PCSK5: variants seen among roughly 807,000 people sequenced by gnomAD.
The protein encoded by PCSK5 is proprotein convertase subtilisin/kexin type 5, also known as prohormone convertase 5.
PCSK5 carries 129 observed loss-of-function variants against 233.2 expected under a neutral mutation model. The ratio of observed to expected loss-of-function variants is 0.55; its 90% CI spans 0.48 to 0.64. PCSK5 has a LOEUF of 0.64. Among genes scored for constraint, PCSK5 ranks in the 30% least tolerant of loss-of-function variants. The pLI is 0.00. For synonymous variants in PCSK5, 825 were observed against 879.2 expected, an observed-to-expected ratio of 0.94 and a Z score of 1.09; for missense variants, 2,076 against 2,430.1, an observed-to-expected ratio of 0.85 and a Z score of 3.06.
Position 76,361,527 on chromosome 9 carries a change from T to A in PCSK5, c.*2605T>A, listed in dbSNP as rs1375917536. On this transcript the variant is annotated 3_prime_UTR_variant, in exon 38 of 38. Coordinates refer to ENST00000674117, the MANE Select transcript of PCSK5 (RefSeq NM_001372043.1). ...TCAGCCTTGGACAACATAGTGAGAC[T>A]CCCGTGTCTACAAAAAATTTAAAAA... The A allele has an allele frequency of 2.0e-5, 3 of 151,476 alleles. No homozygotes were observed. The highest frequency in any genetic ancestry group is 4.4e-5 in the Non-Finnish European group (3 of 67,896). The allele number at this position is 151,476 out of a possible 1,614,324, so 9.4% of individuals were successfully genotyped here.
In PCSK5 at chr9:76,175,125, T is replaced by C; in HGVS notation, c.1896T>C (p.Tyr632=). 6 of 1,613,916 alleles carry C rather than the reference T, an allele frequency of 3.7e-6. No individual in the cohort carries two copies. The highest frequency in any genetic ancestry group is 1.3e-5 in the African/African-American group (1 of 74,934). ...CAGACGACTATGGCACAGAGGATTA[T>C]GCAGGTGAGCTGGCTTCCAGTGGGA... ...DPTDDYGTED[Y]AGPCDPECSE... is the part of the protein sequence containing the mutation. Residue 632 remains tyrosine, a synonymous_variant, in exon 14 of 38, where the codon TAT becomes TAC. Coordinates refer to ENST00000674117, the MANE Select transcript of PCSK5 (RefSeq NM_001372043.1).
chr9:75,910,754 C>T (rs1448686161), intron 1 of PCSK5, among the ~76,000 whole-genome samples: 1 of 152,302 alleles, frequency 6.6e-6, no homozygotes, highest in East Asian at 1.9e-4. Context: ...CTGAGGGCCA[C>T]ATTGTGCTTC....
chr9:76,042,694 C>G (rs1829173190), intron 5 of PCSK5, among the ~76,000 whole-genome samples: 1 of 152,116 alleles, frequency 6.6e-6, no homozygotes, highest in South Asian at 2.1e-4. Context: ...AAAAACTTTA[C>G]TATAGACTGA....
rs557497153 is a variant in PCSK5 at position 76,175,176 on chromosome 9, G to A, written c.1900+47G>A. The A allele has an allele frequency of 3.2e-6, 5 of 1,586,816 alleles. No individual in the cohort carries two copies. The East Asian group carries it at 6.7e-5, about 21-fold the overall frequency. Reference sequence around the variant, plus strand: ...CACAGGCTAAAAAGAGGCAGCTCATGCATCATCCCACCACATGGGAGAACA... The same window carrying A: ...CACAGGCTAAAAAGAGGCAGCTCATACATCATCCCACCACATGGGAGAACA... On this transcript the variant is annotated intron_variant, in intron 14 of 37. Transcript: ENST00000674117.
At chr9:76,119,882 TATTC>T (rs1832567415) in intron 9 of PCSK5, among the ~76,000 whole-genome samples, 1 of 152,014 alleles carries the variant, frequency 6.6e-6, no homozygotes, top group Admixed American at 6.6e-5. Flanking sequence ...TAGTAGGTCT[TATTC>T]ATTCTTTCTA....
intron 3 of PCSK5, among the ~76,000 whole-genome samples, chr9:75,995,744 T>TACACAC (rs35132294): frequency 0.079 from 11,492 of 145,918 alleles, 517 homozygotes; most frequent in Non-Finnish European, 0.099. Flanking sequence ...GATTCATTCA[T>TACACAC]ACACACACAC....
At chr9:76,338,690 G>A (rs532689059) in intron 35 of PCSK5, among the ~76,000 whole-genome samples, 1 of 152,056 alleles carries the variant, frequency 6.6e-6, no homozygotes, top group African/African-American at 2.4e-5. Context: ...ATCTCCTTGA[G>A]GAAGTATTGT....
intron 2 of PCSK5, among the ~76,000 whole-genome samples, chr9:75,950,226 T>G (rs1824792802): frequency 6.6e-6 from 1 of 151,878 alleles, no homozygotes; most frequent in African/African-American, 2.4e-5. Context: ...TGTTTTTTTT[T>G]TTTGAAAGCA....
chr9:76,299,434 C>T (rs1159492268), intron 27 of PCSK5, among the ~76,000 whole-genome samples: 2 of 152,036 alleles, frequency 1.3e-5, no homozygotes, highest in African/African-American at 2.4e-5. Context: ...TTTGGGAGGC[C>T]GAGGCGGGTG....
intron 26 of PCSK5, among the ~76,000 whole-genome samples, chr9:76,296,262 A>G (rs1268993028): frequency 6.6e-6 from 1 of 152,166 alleles, no homozygotes; most frequent in Non-Finnish European, 1.5e-5. Flanking sequence ...ACCTCGCCCG[A>G]CCTGGATTTA....
At chr9:76,269,701 A>G (rs1827449002) in intron 24 of PCSK5, among the ~76,000 whole-genome samples, 1 of 152,258 alleles carries the variant, frequency 6.6e-6, no homozygotes, top group South Asian at 2.1e-4. Context: ...CTAGTATTCC[A>G]TAGAAGCCAT....
At chr9:76,252,455 G>A (rs538533363) in intron 24 of PCSK5, among the ~76,000 whole-genome samples, 1 of 152,074 alleles carries the variant, frequency 6.6e-6, no homozygotes, top group Non-Finnish European at 1.5e-5. Context: ...AATTAATTTG[G>A]GTTCACTGCT....
chr9:75,981,469 T>C (rs576350035), intron 2 of PCSK5, among the ~76,000 whole-genome samples: 1 of 152,376 alleles, frequency 6.6e-6, no homozygotes, highest in South Asian at 2.1e-4. Context: ...TGTGTTGGAA[T>C]ATAATATAAA....
Position 76,156,989 on chromosome 9 carries a change from G to A in PCSK5, c.1313-56G>A, listed in dbSNP as rs532995658. Reference sequence around the variant, plus strand: ...GTGTCTGGGGTCTCTACTGAGTGACGTTATAATTTGACCTATGTAGCTTAG... The same window carrying A: ...GTGTCTGGGGTCTCTACTGAGTGACATTATAATTTGACCTATGTAGCTTAG... On this transcript the variant is annotated intron_variant, in intron 10 of 37. Transcript: ENST00000674117. 6.9e-5 allele frequency: 83 copies of A among 1,200,588 alleles called. No homozygotes were observed. In the African/African-American group the frequency reaches 8.0e-4, roughly 12 times the overall value. 74.4% of individuals were successfully genotyped at this position (1,200,588 alleles called of 1,614,324 possible).
intron 24 of PCSK5, among the ~76,000 whole-genome samples, chr9:76,266,998 A>G (rs1189460291): frequency 6.6e-6 from 1 of 152,184 alleles, no homozygotes; most frequent in Non-Finnish European, 1.5e-5. Flanking sequence ...ATAAGGAAAA[A>G]TGCTGAATTA....
chr9:76,055,355 A>G (rs1439485169), intron 5 of PCSK5, among the ~76,000 whole-genome samples: 1 of 152,158 alleles, frequency 6.6e-6, no homozygotes, highest in Non-Finnish European at 1.5e-5. Flanking sequence ...TCATCGAGTC[A>G]CAAAAACTGA....
chr9:75,998,733 C>A (rs1040386396), intron 3 of PCSK5, among the ~76,000 whole-genome samples: 1 of 152,110 alleles, frequency 6.6e-6, no homozygotes, highest in African/African-American at 2.4e-5. Flanking sequence ...ATATCATGAA[C>A]ATCCACGTCT....
rs757719687 is a variant in PCSK5 at position 76,184,727 on chromosome 9, A to C, written c.2252A>C (p.His751Pro). Residue 751 changes from histidine to proline, a missense_variant, in exon 17 of 38, where the codon CAT becomes CCT. This residue lies in a region of PCSK5 where 1,510 missense variants were observed against 1,538.1 expected (regional missense o/e 0.98). Transcript: ENST00000674117. ...AACTGCAAGACATGTACTGAATTCCATAACTGTACAGAATGTAGGGATGGG... is the reference window on the plus strand; with the variant it reads ...AACTGCAAGACATGTACTGAATTCCCTAACTGTACAGAATGTAGGGATGGG... ...SENCKTCTEFHNCTECRDGLS... is the reference protein window; with the variant it reads ...SENCKTCTEFPNCTECRDGLS... 2 of 1,610,264 alleles carry C rather than the reference A, an allele frequency of 1.2e-6. No homozygotes were observed. Among genetic ancestry groups the C allele is most frequent in the Admixed American group, 3.3e-5 (2 of 59,980 alleles).
rs76260875 is a variant in PCSK5 at position 76,272,058 on chromosome 9, T to C, written c.3143-20175T>C. The stretch of plus-strand genomic sequence containing the variant: ...TTGCCAAGTACATAGAGTATTTGAA[T>C]ATGTACTATGTACTTAGAGTACTAA... On this transcript the variant is annotated intron_variant, in intron 24 of 37. Transcript: ENST00000674117. 2.1e-4 allele frequency among the ~76,000 whole-genome samples: 32 copies of C among 152,312 alleles called. 1 individual carries two copies. The East Asian group carries it at 6.0e-3, about 28-fold the overall frequency.
Sources: gnomAD v4.1 joint callset for allele counts (sites outside exome capture counted in the v4.1 genomes callset) on GRCh38, gnomAD v4.1.1 for gene constraint, gnomAD v4.1.1 regional missense constraint, MANE v1.5 for transcripts, NCBI Gene and HGNC (gene_info 2026-07-23, HGNC 2026-07-21) for gene names.